The following IQCM variants were observed in gnomAD, a reference collection of about 807,000 sequenced individuals.
IQCM encodes the protein IQ domain-containing protein M.
A neutral mutation model predicts 57.6 loss-of-function variants in IQCM; 45 were observed. The observed-to-expected ratio is 0.78, with a 90% CI of 0.62 to 1.00. IQCM has a LOEUF of 1.00. Ranked by LOEUF, IQCM falls within the 50% of genes least tolerant of loss-of-function variation. IQCM has a pLI of 0.00. For missense variants in IQCM, 468 were observed against 511.6 expected (o/e 0.91, Z 0.82); for synonymous variants, 148 against 158.9 (o/e 0.93, Z 0.51).
At chr4:149,471,922 C>G (rs1178551896) in intron 12 of IQCM, among the ~76,000 whole-genome samples, 1 of 152,078 alleles carries the variant, frequency 6.6e-6, no homozygotes, top group Non-Finnish European at 1.5e-5. Context: ...AATTCAACAC[C>G]CTTCATGCTA....
chr4:149,425,206 T>C (rs556362112), intron 13 of IQCM, among the ~76,000 whole-genome samples: 3 of 152,154 alleles, frequency 2.0e-5, no homozygotes, highest in Admixed American at 6.6e-5. Context: ...ACATTAATTA[T>C]ACAATTTTGT....
chr4:149,592,321 A>C (rs531528353), intron 8 of IQCM, among the ~76,000 whole-genome samples: 27 of 151,998 alleles, frequency 1.8e-4, no homozygotes, highest in African/African-American at 6.5e-4. Flanking sequence ...TTTTTCTTGT[A>C]AATTTGTTTA....
rs369558023 is a variant in IQCM at position 149,511,929 on chromosome 4, T to C, written c.1228+36526A>G. 5.9e-5 allele frequency among the ~76,000 whole-genome samples: 9 copies of C among 152,350 alleles called. No individual in the cohort carries two copies. In the East Asian group the frequency reaches 1.5e-3, roughly 26 times the overall value. ...AATTATTTATGCATGCCTTTATTCATTCATTTATTCAATCAATATTTATTG... is the reference window on the plus strand; with the variant it reads ...AATTATTTATGCATGCCTTTATTCACTCATTTATTCAATCAATATTTATTG... On this transcript the variant is annotated intron_variant, in intron 12 of 13. Coordinates refer to ENST00000636793, the MANE Select transcript of IQCM (RefSeq NM_001363507.2).
chr4:149,543,562 T>A (rs1748071865), intron 12 of IQCM, among the ~76,000 whole-genome samples: 1 of 124,682 alleles, frequency 8.0e-6, no homozygotes, highest in African/African-American at 3.1e-5. Flanking sequence ...GGCTGCATAG[T>A]ATTCCATGGT....
chr4:149,648,548 G>T (rs1210299632), intron 7 of IQCM, among the ~76,000 whole-genome samples: 1 of 152,188 alleles, frequency 6.6e-6, no homozygotes, highest in African/African-American at 2.4e-5. Context: ...AATCCTTTGG[G>T]TGTATACCCA....
intron 2 of IQCM, among the ~76,000 whole-genome samples, chr4:149,784,021 A>G (rs1174458966): frequency 1.3e-5 from 2 of 152,236 alleles, no homozygotes; most frequent in African/African-American, 4.8e-5. Flanking sequence ...ACTTCAAAGC[A>G]CAAAACAGAC....
At chr4:149,561,233 T>C (rs2149931182) in intron 10 of IQCM, among the ~76,000 whole-genome samples, 1 of 151,516 alleles carries the variant, frequency 6.6e-6, no homozygotes, top group African/African-American at 2.4e-5. Context: ...AGCATTTTCC[T>C]TATCAATTAA....
intron 10 of IQCM, among the ~76,000 whole-genome samples, chr4:149,561,016 T>C (rs1750069903): frequency 6.6e-6 from 1 of 152,122 alleles, no homozygotes; most frequent in Non-Finnish European, 1.5e-5. Flanking sequence ...CACACCAGGA[T>C]TTTGACAGTA....
At chr4:149,462,294 G>A (rs1168180708) in intron 12 of IQCM, among the ~76,000 whole-genome samples, 2 of 152,060 alleles carry the variant, frequency 1.3e-5, no homozygotes, top group Non-Finnish European at 2.9e-5. Context: ...GCAAGAAGAG[G>A]GGCTTTTTTG....
Position 149,368,959 on chromosome 4 carries a change from CGTGTATATATATAT to C in IQCM, c.1391-16907_1391-16894del, listed in dbSNP as rs1372280716. ...GTATATATATGTGTATATATATACA[CGTGTATATATATAT>C]GTGTATATATATACACGTGTATATA... On this transcript the variant is annotated intron_variant, in intron 13 of 13. Coordinates refer to ENST00000636793, the MANE Select transcript of IQCM (RefSeq NM_001363507.2). 8.1e-5 allele frequency among the ~76,000 whole-genome samples: 4 copies of C among 49,450 alleles called. 1 individual carries two copies. Among genetic ancestry groups the C allele is most frequent in the South Asian group, 1.1e-3 (2 of 1,850 alleles). The allele number at this position is 49,450 out of a possible 152,430, so 32.4% of individuals were successfully genotyped here.
At chr4:149,600,652 G>C (rs762055322) in intron 8 of IQCM, among the ~76,000 whole-genome samples, 3 of 152,098 alleles carry the variant, frequency 2.0e-5, no homozygotes, top group Non-Finnish European at 4.4e-5. Flanking sequence ...GGGGTCAAAG[G>C]CTGCCCTAGC....
chr4:149,515,665 G>T (rs545324918), intron 12 of IQCM, among the ~76,000 whole-genome samples: 24 of 152,168 alleles, frequency 1.6e-4, no homozygotes, highest in African/African-American at 5.8e-4. Flanking sequence ...GAAATCTTCC[G>T]ATTGGAGAGA....
At chr4:149,510,633 T>A (rs10031605) in intron 12 of IQCM, among the ~76,000 whole-genome samples, 81,357 of 151,942 alleles carry the variant, frequency 0.54, 22,012 homozygotes, top group South Asian at 0.56. Flanking sequence ...TTATTTGTTA[T>A]GTCTTTCTGG....
At position 149,694,814 on chromosome 4, in the gene IQCM, T is replaced by A. The variant is rs1561166522; in HGVS notation, c.386-8346A>T. Reference sequence around the variant, plus strand: ...CTTTAAGGTCTCTTCTACACAAAACTTACTACTGTGAAAGTGCTTCAGGCT... The same window carrying A: ...CTTTAAGGTCTCTTCTACACAAAACATACTACTGTGAAAGTGCTTCAGGCT... On this transcript the variant is annotated intron_variant, in intron 5 of 13. Transcript: ENST00000636793. Among the ~76,000 whole-genome samples, 3 of 152,302 alleles carry A rather than the reference T, an allele frequency of 2.0e-5. No homozygotes were observed. The South Asian group carries it at 6.2e-4, about 32-fold the overall frequency.
At chr4:149,668,349 A>C (rs925619650) in intron 7 of IQCM, among the ~76,000 whole-genome samples, 1 of 152,198 alleles carries the variant, frequency 6.6e-6, no homozygotes, top group African/African-American at 2.4e-5. Context: ...TGAAGGAGAA[A>C]TAAAACCCTT....
At chr4:149,412,569 G>C (rs906489253) in intron 13 of IQCM, among the ~76,000 whole-genome samples, 11 of 152,122 alleles carry the variant, frequency 7.2e-5, no homozygotes, top group Admixed American at 2.0e-4. Context: ...GAGCACTTGT[G>C]ATGTAGCAGT....
chr4:149,368,976 G>A lies in IQCM; in HGVS notation c.1391-16910C>T, dbSNP rs1338861821. Among the ~76,000 whole-genome samples the A allele has an allele frequency of 5.1e-4, 17 of 33,432 alleles. 1 individual carries two copies. In the South Asian group the frequency reaches 5.9e-3, roughly 12 times the overall value. The allele number at this position is 33,432 out of a possible 152,430, so 21.9% of individuals were successfully genotyped here. A position where few individuals can be genotyped will look rare whatever the true frequency, so the allele number is the denominator to read the frequency against. ...TATATACACGTGTATATATATATGT[G>A]TATATATATACACGTGTATATATAT... is the stretch of plus-strand genomic sequence containing the variant. On this transcript the variant is annotated intron_variant, in intron 13 of 13. Coordinates refer to ENST00000636793, the MANE Select transcript of IQCM (RefSeq NM_001363507.2).
At chr4:149,680,900 C>T (rs920902554) in intron 7 of IQCM, among the ~76,000 whole-genome samples, 6 of 151,236 alleles carry the variant, frequency 4.0e-5, no homozygotes, top group Non-Finnish European at 8.9e-5. Flanking sequence ...TCCATAAATA[C>T]AGAAAAATAA....
At chr4:149,572,063 A>T (rs1348782301) in intron 9 of IQCM, among the ~76,000 whole-genome samples, 2 of 152,050 alleles carry the variant, frequency 1.3e-5, no homozygotes, top group Non-Finnish European at 2.9e-5. Context: ...ATAACCAAAG[A>T]ATAACTTATA....
Sources: gnomAD v4.1 joint callset for allele counts (sites outside exome capture counted in the v4.1 genomes callset) on GRCh38, gnomAD v4.1.1 for gene constraint, MANE v1.5 for transcripts, NCBI Gene and HGNC (gene_info 2026-07-23, HGNC 2026-07-21) for gene names.